The following DLG2 variants were observed in gnomAD, a reference collection of about 807,000 sequenced individuals.
DLG2 encodes the protein discs large MAGUK scaffold protein 2, also known as disks large homolog 2.
Under a neutral mutation model 132.5 loss-of-function variants are expected in DLG2, and 45 were observed. That is an observed-to-expected ratio of 0.34 (90% CI 0.27 to 0.44). The LOEUF (loss-of-function observed/expected upper bound fraction) is 0.44. Among genes scored for constraint, DLG2 ranks in the 20% least tolerant of loss-of-function variants. The pLI, the probability that DLG2 is intolerant of heterozygous loss-of-function variation, is 1.00. For synonymous variants in DLG2, 424 were observed against 419.6 expected, an observed-to-expected ratio of 1.01 and a Z score of -0.13; for missense variants, 1,045 against 1,196.9, an observed-to-expected ratio of 0.87 and a Z score of 1.87.
chr11:83,674,913 G>C (rs79604541), intron 18 of DLG2, among the ~76,000 whole-genome samples: 1 of 152,352 alleles, frequency 6.6e-6, no homozygotes, highest in East Asian at 1.9e-4. Flanking sequence ...CCACCAGGTA[G>C]GTGGATTGAC....
intron 19 of DLG2, among the ~76,000 whole-genome samples, chr11:83,550,053 A>G (rs547857573): frequency 4.5e-4 from 69 of 152,338 alleles, no homozygotes; most frequent in African/African-American, 1.6e-3. Context: ...GGGTTATACC[A>G]CTTAATCAAC....
At chr11:85,069,630 A>G (rs953393728) in intron 6 of DLG2, among the ~76,000 whole-genome samples, 4 of 152,150 alleles carry the variant, frequency 2.6e-5, no homozygotes, top group Non-Finnish European at 4.4e-5. Flanking sequence ...TTAGAATGGC[A>G]ATCATTAAAA....
intron 6 of DLG2, among the ~76,000 whole-genome samples, chr11:85,100,524 G>A (rs964700780): frequency 1.3e-5 from 2 of 152,104 alleles, no homozygotes; most frequent in Admixed American, 6.6e-5. Context: ...AATGCAATAC[G>A]CCCTTAAGTG....
intron 6 of DLG2, among the ~76,000 whole-genome samples, chr11:84,685,235 G>T (rs1408117504): frequency 6.6e-6 from 1 of 152,168 alleles, no homozygotes; most frequent in Non-Finnish European, 1.5e-5. Flanking sequence ...AATATCCTGT[G>T]AGTTCCTAGA....
At chr11:84,140,172 T>A (rs922372534) in intron 9 of DLG2, among the ~76,000 whole-genome samples, 21 of 152,134 alleles carry the variant, frequency 1.4e-4, no homozygotes, top group African/African-American at 4.6e-4. Context: ...GTTAAAGATG[T>A]GAATTTCAGA....
intron 6 of DLG2, among the ~76,000 whole-genome samples, chr11:84,995,746 G>A (rs930770100): frequency 3.9e-5 from 6 of 151,958 alleles, no homozygotes; most frequent in Admixed American, 6.6e-5. Context: ...AAGAGGAATG[G>A]ATTTTATTGG....
intron 6 of DLG2, among the ~76,000 whole-genome samples, chr11:84,586,703 T>G (rs1042492936): frequency 1.3e-5 from 2 of 152,142 alleles, no homozygotes; most frequent in Non-Finnish European, 2.9e-5. Flanking sequence ...CTTTTTTGAT[T>G]GATTAGAATT....
At chr11:85,522,234 C>G (rs1215110686) in intron 3 of DLG2, among the ~76,000 whole-genome samples, 1 of 152,186 alleles carries the variant, frequency 6.6e-6, no homozygotes, top group Admixed American at 6.5e-5. Flanking sequence ...GTGGAAGCCC[C>G]AAGCCTTGGC....
chr11:84,366,670 T>C (rs1279957666), intron 7 of DLG2, among the ~76,000 whole-genome samples: 2 of 152,038 alleles, frequency 1.3e-5, no homozygotes, highest in Non-Finnish European at 2.9e-5. Flanking sequence ...TCCTAGTCTC[T>C]GATAAAACAG....
chr11:85,556,997 T>C (rs1400903557), intron 3 of DLG2, among the ~76,000 whole-genome samples: 1 of 151,916 alleles, frequency 6.6e-6, no homozygotes, highest in South Asian at 2.1e-4. Flanking sequence ...AGAAAATAAG[T>C]CATTATCTCT....
intron 16 of DLG2, among the ~76,000 whole-genome samples, chr11:83,836,743 G>T (rs1446570029): frequency 6.6e-6 from 1 of 152,176 alleles, no homozygotes; most frequent in African/African-American, 2.4e-5. Flanking sequence ...CATTAATCCT[G>T]CAGGGCCTTG....
At chr11:83,732,349 T>C (rs1182892360) in intron 18 of DLG2, among the ~76,000 whole-genome samples, 1 of 152,196 alleles carries the variant, frequency 6.6e-6, no homozygotes, top group Non-Finnish European at 1.5e-5. Flanking sequence ...CCAGGTGACC[T>C]TCAACTATTC....
At chr11:85,443,859 G>C (rs540719726) in intron 3 of DLG2, among the ~76,000 whole-genome samples, 1 of 152,244 alleles carries the variant, frequency 6.6e-6, no homozygotes, top group Non-Finnish European at 1.5e-5. Flanking sequence ...TCTTTGGTGT[G>C]TGTGAATCAT....
At chr11:85,202,154 A>AT (rs199654309) in intron 4 of DLG2, among the ~76,000 whole-genome samples, 12,733 of 151,838 alleles carry the variant, frequency 0.084, 672 homozygotes, top group African/African-American at 0.14. Context: ...TTAAAAAAAA[A>AT]AACCCAAAAC....
intron 7 of DLG2, among the ~76,000 whole-genome samples, chr11:84,488,743 C>G (rs993901354): frequency 8.6e-5 from 13 of 151,950 alleles, no homozygotes; most frequent in Non-Finnish European, 1.8e-4. Context: ...GATTCCTATA[C>G]GAGGTGAAGA....
intron 4 of DLG2, among the ~76,000 whole-genome samples, chr11:85,197,763 C>T (rs1595299064): frequency 6.6e-6 from 1 of 152,040 alleles, no homozygotes; most frequent in Non-Finnish European, 1.5e-5. Context: ...TCTCCATGAC[C>T]GAGGAGGCCT....
intron 3 of DLG2, among the ~76,000 whole-genome samples, chr11:85,491,137 G>C (rs2093551523): frequency 6.6e-6 from 1 of 151,912 alleles, no homozygotes; most frequent in Non-Finnish European, 1.5e-5. Context: ...CAACAAACGT[G>C]ATACCTTATA....
chr11:84,362,694 G>T (rs1199640931), intron 7 of DLG2, among the ~76,000 whole-genome samples: 1 of 151,850 alleles, frequency 6.6e-6, no homozygotes, highest in Admixed American at 6.6e-5. Flanking sequence ...AGAGTGTGAT[G>T]TTCCCCTTCC....
intron 3 of DLG2, among the ~76,000 whole-genome samples, chr11:85,320,782 G>C (rs1302882384): frequency 6.6e-6 from 1 of 151,830 alleles, no homozygotes; most frequent in Non-Finnish European, 1.5e-5. Flanking sequence ...AGTCAGGAAT[G>C]TACTATTCAT....
Sources: gnomAD v4.1 joint callset for allele counts (sites outside exome capture counted in the v4.1 genomes callset) on GRCh38, gnomAD v4.1.1 for gene constraint, MANE v1.5 for transcripts, NCBI Gene and HGNC (gene_info 2026-07-23, HGNC 2026-07-21) for gene names.